Variants in CCNH observed in about 807,000 individuals in gnomAD.
CCNH encodes cyclin-H.
Under a neutral mutation model 41.9 loss-of-function variants are expected in CCNH, and 31 were observed. The ratio of observed to expected loss-of-function variants is 0.74; its 90% CI spans 0.56 to 1.00. The LOEUF is 1.00. Among genes scored for constraint, CCNH ranks in the 50% least tolerant of loss-of-function variants. CCNH has a pLI of 0.00. For missense variants in CCNH, 362 were observed against 388.4 expected, an observed-to-expected ratio of 0.93 and a Z score of 0.57; for synonymous variants, 138 against 136.1, an observed-to-expected ratio of 1.01 and a Z score of -0.10.
At chr5:87,374,459 ATT>A (rs770426797), downstream of CCNH, 2,116 of 166,326 alleles carry the variant, frequency 0.013, 6 homozygotes, top group Middle Eastern at 0.038. Flanking sequence ...ATATATATAT[ATT>A]TTTTTTTTTT....
upstream of CCNH, among the ~76,000 whole-genome samples, chr5:87,380,130 G>A (rs1264238826): frequency 6.6e-6 from 1 of 152,112 alleles, no homozygotes; most frequent in Non-Finnish European, 1.5e-5. Flanking sequence ...AAGATATCTT[G>A]TCTATCCATT....
At chr5:87,409,445 G>A in intron 2 of CCNH, 82 bp from the exon 3 acceptor site, 1 of 758,586 alleles carries the variant, frequency 1.3e-6, no homozygotes. Context: ...CTTATTTATG[G>A]AAAGGTTTCT....
At chr5:87,330,380 G>A (rs1445117509) in intron 9 of CCNH, among the ~76,000 whole-genome samples, 1 of 152,004 alleles carries the variant, frequency 6.6e-6, no homozygotes, top group African/African-American at 2.4e-5. Flanking sequence ...TAAAGCTGAA[G>A]TACTATATTA....
chr5:87,334,505 G>A (rs1308344166), intron 9 of CCNH, among the ~76,000 whole-genome samples: 2 of 152,156 alleles, frequency 1.3e-5, no homozygotes, highest in African/African-American at 4.8e-5. Flanking sequence ...CAGCCAAGTT[G>A]ACACATAAAA....
downstream of CCNH, chr5:87,386,938 C>T (rs374593649): frequency 9.1e-6 from 14 of 1,535,822 alleles, no homozygotes; most frequent in African/African-American, 1.2e-4. Context: ...TTTTTTAAGA[C>T]TTCTAGTTGA....
rs756801441 is a variant in CCNH at position 87,383,687 on chromosome 5, A to AG, written c.*90+9082_*90+9083insC. 1.9e-6 allele frequency: 3 copies of AG among 1,591,320 alleles called. No individual in the cohort carries two copies. The South Asian group carries it at 3.4e-5, about 18-fold the overall frequency. On this transcript the variant is annotated intron_variant and NMD_transcript_variant, in intron 9 of 9. Transcript: ENST00000645953. ...TTATATAGGTGTTTTCTAAAAAAAAAAAAAAAAAATTTCCCTCCCATTCAG... is the reference window on the plus strand; with the variant it reads ...TTATATAGGTGTTTTCTAAAAAAAAAGAAAAAAAAATTTCCCTCCCATTCAG...
At chr5:87,363,153 AAAACAAGTAATATAACAAAAGGCATTT>A (rs146643440) in intron 9 of CCNH, among the ~76,000 whole-genome samples, 156 of 152,134 alleles carry the variant, frequency 1.0e-3, no homozygotes, top group African/African-American at 3.7e-3. Context: ...CTCTGTGATT[AAAACAAGTAATATAACAAAAGGCATTT>A]TTGTACAGAT....
intron 9 of CCNH, among the ~76,000 whole-genome samples, chr5:87,343,485 T>C (rs1410599463): frequency 2.0e-5 from 3 of 152,166 alleles, no homozygotes; most frequent in African/African-American, 7.2e-5. Flanking sequence ...TCATTACTAA[T>C]CATCAGATAA....
At chr5:87,374,784 T>C (rs1337476986), downstream of CCNH, 2 of 1,597,956 alleles carry the variant, frequency 1.3e-6, no homozygotes, top group African/African-American at 2.7e-5. Flanking sequence ...ACTAAAGAAA[T>C]AAGGTAGTTT....
chr5:87,384,117 C>A (rs1761912162), intron 9 of CCNH, among the ~76,000 whole-genome samples: 1 of 152,012 alleles, frequency 6.6e-6, no homozygotes, highest in African/African-American at 2.4e-5. Flanking sequence ...CTTTGCTTAG[C>A]CCATTGCTAG....
At chr5:87,385,199 G>C (rs1396609396) in intron 9 of CCNH, 2 of 783,782 alleles carry the variant, frequency 2.6e-6, no homozygotes, top group Non-Finnish European at 4.5e-6. Flanking sequence ...AGAATGGGTA[G>C]TAGTTTAACA....
At chr5:87,318,159 C>A (rs1173899527), downstream of CCNH, among the ~76,000 whole-genome samples, 1 of 152,134 alleles carries the variant, frequency 6.6e-6, no homozygotes, top group African/African-American at 2.4e-5. Flanking sequence ...AACAGTTCTA[C>A]CTGAGCTTCT....
chr5:87,390,966 C>A, downstream of CCNH: 2 of 1,364,732 alleles, frequency 1.5e-6, no homozygotes, highest in Non-Finnish European at 2.1e-6. Flanking sequence ...TTTGCTCTTG[C>A]CAAAAAATAG....
At chr5:87,335,419 G>GTTTTTTTTTTTTTTTTT (rs34986349) in intron 9 of CCNH, among the ~76,000 whole-genome samples, 3 of 72,886 alleles carry the variant, frequency 4.1e-5, no homozygotes, top group Non-Finnish European at 7.3e-5. Context: ...AAAGAATGAG[G>GTTTTTTTTTTTTTTTTT]TTTTTTTTTT....
At chr5:87,370,921 A>C (rs1476333387) in intron 9 of CCNH, among the ~76,000 whole-genome samples, 1 of 152,156 alleles carries the variant, frequency 6.6e-6, no homozygotes, top group African/African-American at 2.4e-5. Context: ...ATCTTTATCA[A>C]ATATCTCATT....
chr5:87,372,345 T>G, downstream of CCNH: 1 of 702,412 alleles, frequency 1.4e-6, no homozygotes, highest in East Asian at 2.7e-5. Context: ...CGTTACTTCT[T>G]TATGAAAGAG....
At chr5:87,363,253 T>A in intron 9 of CCNH, 2 of 1,145,890 alleles carry the variant, frequency 1.7e-6, no homozygotes, top group Non-Finnish European at 2.5e-6. Context: ...GGAATAAAAA[T>A]TGATTGATTC....
intron 9 of CCNH, among the ~76,000 whole-genome samples, chr5:87,355,058 A>G (rs1017164398): frequency 2.0e-5 from 3 of 152,206 alleles, no homozygotes; most frequent in African/African-American, 7.2e-5. Context: ...TCTCCATAAC[A>G]TAAAAGTGTA....
downstream of CCNH, chr5:87,389,657 C>A: frequency 1.7e-6 from 2 of 1,210,172 alleles, no homozygotes; most frequent in Non-Finnish European, 2.4e-6. Flanking sequence ...CATCATATTA[C>A]AAAAGATCTC....
Sources: allele counts gnomAD v4.1 joint callset (sites outside exome capture counted in the v4.1 genomes callset), GRCh38; gene constraint gnomAD v4.1.1; transcripts MANE v1.5; gene names NCBI Gene and HGNC (gene_info 2026-07-23, HGNC 2026-07-21).